PTPRM: variants seen among roughly 807,000 people sequenced by gnomAD.
The protein encoded by PTPRM is protein tyrosine phosphatase receptor type M.
In PTPRM, 47 loss-of-function variants were observed where a neutral mutation model predicts 186.7. That is an observed-to-expected ratio of 0.25 (90% CI 0.20 to 0.32). PTPRM has a LOEUF of 0.32. Among genes scored for constraint, PTPRM ranks in the 10% least tolerant of loss-of-function variants. PTPRM has a pLI of 1.00. For missense variants in PTPRM, 1,494 were observed against 1,865.0 expected (o/e 0.80, Z 3.66); for synonymous variants, 668 against 674.9 (o/e 0.99, Z 0.16).
In PTPRM at chr18:7,772,448, T is replaced by C. The variant is rs938624829; in HGVS notation, c.74-1701T>C. 1.2e-3 allele frequency among the ~76,000 whole-genome samples: 23 copies of C among 19,736 alleles called. No homozygotes were observed. In the Admixed American group the frequency reaches 0.012, roughly 11 times the overall value. 12.9% of individuals were successfully genotyped at this position (19,736 alleles called of 152,430 possible). On this transcript the variant is annotated intron_variant, in intron 1 of 32. Coordinates refer to ENST00000580170, the MANE Select transcript of PTPRM (RefSeq NM_001105244.2). ...TCTCCCTTCCCCTTCCCCTTCCCCT[T>C]CCTTCCTTCCTTCCTTCCTTCCTTC...
At chr18:7,603,933 G>T (rs2037467903) in intron 1 of PTPRM, among the ~76,000 whole-genome samples, 1 of 152,192 alleles carries the variant, frequency 6.6e-6, no homozygotes, top group African/African-American at 2.4e-5. Context: ...GGGGGCTTGT[G>T]TCTGCCTAAC....
At chr18:8,304,974 C>A (rs1369040692) in intron 20 of PTPRM, among the ~76,000 whole-genome samples, 1 of 152,124 alleles carries the variant, frequency 6.6e-6, no homozygotes, top group Non-Finnish European at 1.5e-5. Context: ...TTATCCCCTG[C>A]AGAAACCTCA....
Position 8,085,862 on chromosome 18 carries a change from C to T in PTPRM, c.1743C>T (p.Thr581=), listed in dbSNP as rs1390735918. 1.2e-6 allele frequency: 2 copies of T among 1,612,468 alleles called. No individual in the cohort carries two copies. The highest frequency in any genetic ancestry group is 1.7e-6 in the Non-Finnish European group (2 of 1,178,872). ...CTCCAGCAACAAACCAGTTCACCAC[C>T]AAAATATCAGGTACTCTACATTCGT... ...FGPPATNQFT[T]KISAPSMPAY... Residue 581 remains threonine, a synonymous_variant, in exon 10 of 33, where the codon ACC becomes ACT. Coordinates refer to ENST00000580170, the MANE Select transcript of PTPRM (RefSeq NM_001105244.2).
intron 14 of PTPRM, among the ~76,000 whole-genome samples, chr18:8,167,784 A>G (rs928998301): frequency 5.9e-5 from 9 of 152,186 alleles, no homozygotes; most frequent in African/African-American, 1.9e-4. Flanking sequence ...TGTGGCTCTG[A>G]TATGGGAGCA....
intron 14 of PTPRM, among the ~76,000 whole-genome samples, chr18:8,215,408 ATT>A (rs2094066604): frequency 6.6e-6 from 1 of 151,520 alleles, no homozygotes; most frequent in Non-Finnish European, 1.5e-5. Context: ...AAATATGCCT[ATT>A]TTCCCATGTG....
intron 2 of PTPRM, among the ~76,000 whole-genome samples, chr18:7,822,085 C>T (rs1297719396): frequency 1.3e-5 from 2 of 152,174 alleles, no homozygotes; most frequent in Non-Finnish European, 2.9e-5. Flanking sequence ...TTCCTTCCTT[C>T]GTCAAATATT....
At chr18:7,611,329 C>T (rs2037667933) in intron 1 of PTPRM, among the ~76,000 whole-genome samples, 1 of 152,118 alleles carries the variant, frequency 6.6e-6, no homozygotes, top group African/African-American at 2.4e-5. Context: ...TAGCAGTGTG[C>T]AGTAATGTCC....
chr18:8,315,406 A>C (rs1380610796), intron 21 of PTPRM, among the ~76,000 whole-genome samples: 1 of 152,238 alleles, frequency 6.6e-6, no homozygotes, highest in Non-Finnish European at 1.5e-5. Context: ...TTAAATATGT[A>C]GGCTGTTTAA....
At chr18:7,872,493 G>C (rs1567948753) in intron 2 of PTPRM, among the ~76,000 whole-genome samples, 1 of 152,022 alleles carries the variant, frequency 6.6e-6, no homozygotes, top group Non-Finnish European at 1.5e-5. Flanking sequence ...GATTGAAAAC[G>C]ATTACTTGAA....
At chr18:7,711,393 A>AGGCTTG (rs2040210517) in intron 1 of PTPRM, among the ~76,000 whole-genome samples, 2 of 152,212 alleles carry the variant, frequency 1.3e-5, no homozygotes, top group Non-Finnish European at 2.9e-5. Context: ...TTTCAAGCAC[A>AGGCTTG]AAACTGGGCA....
At position 7,924,322 on chromosome 18, in the gene PTPRM, A is replaced by C. The variant is rs533179695; in HGVS notation, c.548-2246A>C. Among the ~76,000 whole-genome samples, 9 of 152,270 alleles carry C rather than the reference A, an allele frequency of 5.9e-5. No individual in the cohort carries two copies. In the East Asian group the frequency reaches 1.7e-3, roughly 29 times the overall value. The stretch of plus-strand genomic sequence containing the variant: ...TTATTTCATTGGGGAATTTTTTTTA[A>C]TGTTTCCAGTTAATGACACATGTAC... On this transcript the variant is annotated intron_variant, in intron 4 of 32. Coordinates refer to ENST00000580170, the MANE Select transcript of PTPRM (RefSeq NM_001105244.2).
intron 2 of PTPRM, among the ~76,000 whole-genome samples, chr18:7,825,214 G>C (rs2045419015): frequency 1.3e-5 from 2 of 152,074 alleles, no homozygotes; most frequent in South Asian, 2.1e-4. Context: ...CTAAGGCCCT[G>C]GTTCCCAAAC....
chr18:8,120,526 T>C (rs2145805592), intron 13 of PTPRM, among the ~76,000 whole-genome samples: 1 of 149,560 alleles, frequency 6.7e-6, no homozygotes, highest in Non-Finnish European at 1.5e-5. Context: ...AGTGTCTTCC[T>C]CTGTTGCTCA....
At chr18:7,883,769 A>T (rs2048625547) in intron 2 of PTPRM, among the ~76,000 whole-genome samples, 1 of 152,238 alleles carries the variant, frequency 6.6e-6, no homozygotes, top group Admixed American at 6.5e-5. Flanking sequence ...AAGAAAGGAA[A>T]CTTAAAAATT....
In PTPRM at chr18:7,699,728, T is replaced by A. The variant is rs1480738420; in HGVS notation, c.74-74421T>A. On this transcript the variant is annotated intron_variant, in intron 1 of 32. Coordinates refer to ENST00000580170, the MANE Select transcript of PTPRM (RefSeq NM_001105244.2). ...ATTTTAATAGAGTCTAACTTACAAGTTTTTTTTTTTTTTTAATAGTTAACA... is the reference window on the plus strand; with the variant it reads ...ATTTTAATAGAGTCTAACTTACAAGATTTTTTTTTTTTTTAATAGTTAACA... Among the ~76,000 whole-genome samples, 3 of 15,272 alleles carry A rather than the reference T, an allele frequency of 2.0e-4. No homozygotes were observed. In the African/African-American group the frequency reaches 2.4e-3, roughly 12 times the overall value. The allele number at this position is 15,272 out of a possible 152,430, so 10.0% of individuals were successfully genotyped here.
chr18:7,644,404 A>G (rs375859357), intron 1 of PTPRM, among the ~76,000 whole-genome samples: 25 of 152,324 alleles, frequency 1.6e-4, no homozygotes, highest in African/African-American at 5.5e-4. Flanking sequence ...ATGCCCACCC[A>G]TGCTAAACAC....
intron 19 of PTPRM, among the ~76,000 whole-genome samples, chr18:8,290,395 A>T (rs1000746081): frequency 6.6e-6 from 1 of 151,554 alleles, no homozygotes; most frequent in Non-Finnish European, 1.5e-5. Context: ...GTTGAATAGG[A>T]TTTTTTTCTC....
intron 7 of PTPRM, among the ~76,000 whole-genome samples, chr18:7,985,593 G>A (rs1021721180): frequency 1.4e-4 from 21 of 149,338 alleles, no homozygotes; most frequent in African/African-American, 4.9e-4. Flanking sequence ...TGGTAGATAC[G>A]TATATAAATA....
intron 1 of PTPRM, among the ~76,000 whole-genome samples, chr18:7,584,740 T>C (rs1012187236): frequency 3.9e-5 from 6 of 152,218 alleles, no homozygotes; most frequent in African/African-American, 1.4e-4. Context: ...GCAAGGCATA[T>C]TCTTTTCCAA....
Sources: allele counts gnomAD v4.1 joint callset (sites outside exome capture counted in the v4.1 genomes callset), GRCh38; gene constraint gnomAD v4.1.1; transcripts MANE v1.5; gene names NCBI Gene and HGNC (gene_info 2026-07-23, HGNC 2026-07-21).